Variants in RBM8A observed in about 807,000 individuals in gnomAD.
The protein encoded by RBM8A is RNA-binding protein 8A.
RBM8A carries 8 observed loss-of-function variants against 25.1 expected under a neutral mutation model. The ratio of observed to expected loss-of-function variants is 0.32; its 90% CI spans 0.19 to 0.58. The LOEUF (loss-of-function observed/expected upper bound fraction) is 0.58. Ranked by LOEUF, RBM8A falls within the 20% of genes least tolerant of loss-of-function variation. RBM8A has a pLI of 0.88. For missense variants in RBM8A, 114 were observed against 236.8 expected, an observed-to-expected ratio of 0.48 and a Z score of 3.40; for synonymous variants, 66 against 80.0, an observed-to-expected ratio of 0.82 and a Z score of 0.94.
In RBM8A at chr1:145,923,979, A is replaced by G. The variant is rs1182588647; in HGVS notation, c.*1903T>C. ...TCATATTCAAGCCTAAAAGGAAGATAGGATTTTCAAGATATATTTCCAACT... is the reference window on the plus strand; with the variant it reads ...TCATATTCAAGCCTAAAAGGAAGATGGGATTTTCAAGATATATTTCCAACT... On this transcript the variant is annotated 3_prime_UTR_variant, in exon 6 of 6. Transcript: ENST00000583313. 11 of 615,146 alleles carry G rather than the reference A, an allele frequency of 1.8e-5. No individual in the cohort carries two copies. The Admixed American group carries it at 3.2e-4, about 18-fold the overall frequency. The allele number at this position is 615,146 out of a possible 1,614,324, so 38.1% of individuals were successfully genotyped here. A position where few individuals can be genotyped will look rare whatever the true frequency, so the allele number is the denominator to read the frequency against.
rs1485089023 is a variant in RBM8A at position 145,921,981 on chromosome 1, TG to T, written c.*3900del. 1 of 152,244 alleles carries T rather than the reference TG, an allele frequency of 6.6e-6. No individual in the cohort carries two copies. The highest frequency in any genetic ancestry group is 1.5e-5 in the Non-Finnish European group (1 of 68,048). 9.4% of individuals were successfully genotyped at this position (152,244 alleles called of 1,614,324 possible). A position where few individuals can be genotyped will look rare whatever the true frequency, so the allele number is the denominator to read the frequency against. On this transcript the variant is annotated 3_prime_UTR_variant, in exon 6 of 6. Transcript: ENST00000583313. ...GCTCAAGCCTGTAATCCCAGCATTT[TG>T]GAAGGCCAAGGTGGGTGGATCACTT...
At chr1:145,926,445 T>C in intron 4 of RBM8A, 37 bp downstream of exon 4, 1 of 1,609,712 alleles carries the variant, frequency 6.2e-7, no homozygotes, top group Non-Finnish European at 8.5e-7. Context: ...CTAAGGCTTA[T>C]GAAAGAAAGG....
At position 145,926,535 on chromosome 1, in the gene RBM8A, C is replaced by T. The variant is rs1553755943; in HGVS notation, c.289G>A (p.Gly97Arg). ...EDIHDKFAEY[G>R]EIKNIHLNLD... is the part of the protein sequence containing the mutation. ...TTGAGATGAATGTTTTTAATTTCCC[C>T]ATATTCTGCGAATTTGTCGTGTATG... The change falls in exon 4 of 6, where the codon GGG (glycine) becomes AGG (arginine). Residue 97 changes from glycine (G) to arginine (R), a missense_variant. Physicochemically the swap from Gly to Arg is moderately radical, Grantham distance 125. Around this residue, in one of 2 missense-constraint regions of RBM8A, gnomAD observed 102 missense variants for 182.7 expected, o/e 0.56. Coordinates refer to ENST00000583313, the MANE Select transcript of RBM8A (RefSeq NM_005105.5). The T allele has an allele frequency of 1.9e-6, 3 of 1,614,094 alleles. No homozygotes were observed. Among genetic ancestry groups the T allele is most frequent in the Non-Finnish European group, 2.5e-6 (3 of 1,180,020 alleles).
At chr1:145,927,099 G>C in intron 1 of RBM8A, 22 bp from the exon 2 acceptor site, 2 of 1,609,646 alleles carry the variant, frequency 1.2e-6, no homozygotes, top group Non-Finnish European at 8.5e-7. Context: ...GAAGATAAAA[G>C]AATAAGTAAC....
rs1647970417 is a variant in RBM8A at position 145,924,200 on chromosome 1, A to G, written c.*1682T>C. 1 of 685,732 alleles carries G rather than the reference A, an allele frequency of 1.5e-6. No individual in the cohort carries two copies. Among genetic ancestry groups the G allele is most frequent in the South Asian group, 1.5e-5 (1 of 66,398 alleles). The allele number at this position is 685,732 out of a possible 1,614,324, so 42.5% of individuals were successfully genotyped here. On this transcript the variant is annotated 3_prime_UTR_variant, in exon 6 of 6. Transcript: ENST00000583313. ...CCACTGAGCTGGCCCAGTCCCTTTCACTCAGTGTGTCACCAAAGGCAGCTT... is the reference window on the plus strand; with the variant it reads ...CCACTGAGCTGGCCCAGTCCCTTTCGCTCAGTGTGTCACCAAAGGCAGCTT...
At position 145,927,361 on chromosome 1, in the gene RBM8A, G is replaced by A. The variant is rs770606575; in HGVS notation, c.66C>T (p.Asp22=). The change falls in exon 1 of 6, where the codon GAC becomes GAT. Residue 22 remains aspartate (D), a splice_region_variant and synonymous_variant. Coordinates refer to ENST00000583313, the MANE Select transcript of RBM8A (RefSeq NM_005105.5). The part of the protein sequence containing the change: ...GEDFAMDEDG[D]ESIHKLKEKA... Reference sequence around the variant, plus strand: ...ACCAGCCGTCTCCACTGTCCTCACCGTCCCCATCCTCATCCATGGCGAAAT... The same window carrying A: ...ACCAGCCGTCTCCACTGTCCTCACCATCCCCATCCTCATCCATGGCGAAAT... The A allele has an allele frequency of 2.5e-6, 4 of 1,612,028 alleles. No homozygotes were observed. Among genetic ancestry groups the A allele is most frequent in the Non-Finnish European group, 3.4e-6 (4 of 1,179,238 alleles).
chr1:145,926,917 A>G (rs1361220727), intron 2 of RBM8A, 31 bp from the exon 3 acceptor site: 17 of 1,611,280 alleles, frequency 1.1e-5, no homozygotes, highest in Non-Finnish European at 1.3e-5. Flanking sequence ...ATCACCGAAA[A>G]CTCCTCCTTT....
intron 4 of RBM8A, 67 bp from the exon 5 acceptor site, chr1:145,926,244 TC>T: frequency 6.3e-7 from 1 of 1,590,408 alleles, no homozygotes; most frequent in Non-Finnish European, 8.6e-7. Context: ...AGTATCTTTT[TC>T]CTCAAATCTA....
chr1:145,926,653 TGA>T (rs781960457), intron 3 of RBM8A, 35 bp from the exon 4 acceptor site: 2 of 1,613,350 alleles, frequency 1.2e-6, no homozygotes, highest in East Asian at 4.5e-5. Flanking sequence ...TATGAGTACA[TGA>T]GAGACACTTT....
At position 145,925,462 on chromosome 1, in the gene RBM8A, T is replaced by C. The variant is rs139217740; in HGVS notation, c.*420A>G. On this transcript the variant is annotated 3_prime_UTR_variant, in exon 6 of 6. Coordinates refer to ENST00000583313, the MANE Select transcript of RBM8A (RefSeq NM_005105.5). ...TCTACAAAAATATTAAAAATTTAGCTGGGCATGGTGGCATGTGCCTGTAAT... is the reference window on the plus strand; with the variant it reads ...TCTACAAAAATATTAAAAATTTAGCCGGGCATGGTGGCATGTGCCTGTAAT... 1,228 of 357,594 alleles carry C rather than the reference T, an allele frequency of 3.4e-3. 9 individuals carry two copies. Among genetic ancestry groups the C allele is most frequent in the African/African-American group, 0.018 (854 of 46,828 alleles). 22.2% of individuals were successfully genotyped at this position (357,594 alleles called of 1,614,324 possible).
At position 145,923,847 on chromosome 1, in the gene RBM8A, A is replaced by G; in HGVS notation, c.*2035T>C. 1.9e-6 allele frequency: 1 copy of G among 535,066 alleles called. No individual in the cohort carries two copies. The highest frequency in any genetic ancestry group is 2.8e-5 in the East Asian group (1 of 35,550). 33.1% of individuals were successfully genotyped at this position (535,066 alleles called of 1,614,324 possible). A position where few individuals can be genotyped will look rare whatever the true frequency, so the allele number is the denominator to read the frequency against. ...GAAAATCATTTCAGCTAAAAATATGAGTGAGGTGGTAGAAATATCATCCCT... is the reference window on the plus strand; with the variant it reads ...GAAAATCATTTCAGCTAAAAATATGGGTGAGGTGGTAGAAATATCATCCCT... On this transcript the variant is annotated 3_prime_UTR_variant, in exon 6 of 6. Transcript: ENST00000583313.
At position 145,924,368 on chromosome 1, in the gene RBM8A, G is replaced by A. The variant is rs782271744; in HGVS notation, c.*1514C>T. 2.3e-5 allele frequency: 11 copies of A among 486,858 alleles called. No individual in the cohort carries two copies. Among genetic ancestry groups the A allele is most frequent in the South Asian group, 1.7e-4 (11 of 64,608 alleles). 30.2% of individuals were successfully genotyped at this position (486,858 alleles called of 1,614,324 possible). On this transcript the variant is annotated 3_prime_UTR_variant, in exon 6 of 6. Transcript: ENST00000583313. The stretch of plus-strand genomic sequence containing the variant: ...CCAGACAAGGAAGGGGAGCCATGGT[G>A]AGACTCCAATTCCCAGGCCTTAATC...
rs587756806 is a variant in RBM8A, at chr1:145,922,080, C to T, written c.*3802G>A. ...CTCTACTAAAAATACAAAAATTAGCCGGGTATAGTGGTGAGCACCTGTAAT... is the reference window on the plus strand; with the variant it reads ...CTCTACTAAAAATACAAAAATTAGCTGGGTATAGTGGTGAGCACCTGTAAT... On this transcript the variant is annotated 3_prime_UTR_variant, in exon 6 of 6. Coordinates refer to ENST00000583313, the MANE Select transcript of RBM8A (RefSeq NM_005105.5). The T allele has an allele frequency of 2.0e-5, 3 of 152,136 alleles. No individual in the cohort carries two copies. The highest frequency in any genetic ancestry group is 6.5e-5 in the Admixed American group (1 of 15,270). 9.4% of individuals were successfully genotyped at this position (152,136 alleles called of 1,614,324 possible).
At chr1:145,925,990 G>T in intron 5 of RBM8A, 51 bp downstream of exon 5, 1 of 1,614,182 alleles carries the variant, frequency 6.2e-7, no homozygotes, top group Non-Finnish European at 8.5e-7. Context: ...TCCTCATTCT[G>T]TTTCGTTCGT....
At position 145,925,433 on chromosome 1, in the gene RBM8A, C is replaced by T. The variant is rs587712030; in HGVS notation, c.*449G>A. 6.6e-5 allele frequency: 24 copies of T among 360,964 alleles called. No homozygotes were observed. Among genetic ancestry groups the T allele is most frequent in the African/African-American group, 5.1e-4 (24 of 46,798 alleles). 22.4% of individuals were successfully genotyped at this position (360,964 alleles called of 1,614,324 possible). A position where few individuals can be genotyped will look rare whatever the true frequency, so the allele number is the denominator to read the frequency against. ...TAGCCCAGGTAACACAGCAAGACCC[C>T]ATCTCTACAAAAATATTAAAAATTT... On this transcript the variant is annotated 3_prime_UTR_variant, in exon 6 of 6. Coordinates refer to ENST00000583313, the MANE Select transcript of RBM8A (RefSeq NM_005105.5).
chr1:145,925,912 G>C lies in RBM8A; in HGVS notation c.495C>G (p.Arg165=). ...PKGKRRGGRR[R]SRSPDRRRR ...GACGTCTCCGGTCTGGACTTCTGCT[G>C]CGTCTTCGGCCACCTCTAGGGAAAA... The change falls in exon 6 of 6, where the codon CGC becomes CGG. Residue 165 remains arginine (R), a synonymous_variant. Transcript: ENST00000583313. The C allele has an allele frequency of 6.2e-7, 1 of 1,614,148 alleles. No homozygotes were observed.
At chr1:145,926,778 C>T in intron 3 of RBM8A, 31 bp downstream of exon 3, 2 of 1,614,146 alleles carry the variant, frequency 1.2e-6, no homozygotes, top group Non-Finnish European at 1.7e-6. Flanking sequence ...ACCACAGACA[C>T]GGATACCTCA....
Position 145,925,784 on chromosome 1 carries a change from T to C in RBM8A, c.*98A>G. The stretch of plus-strand genomic sequence containing the variant: ...ATACTACGCATATACGGTAAGAGAT[T>C]AAATATAAACACAGCAAGTTCCACC... On this transcript the variant is annotated 3_prime_UTR_variant, in exon 6 of 6. Coordinates refer to ENST00000583313, the MANE Select transcript of RBM8A (RefSeq NM_005105.5). The C allele has an allele frequency of 7.2e-7, 1 of 1,379,438 alleles. No homozygotes were observed. The allele number at this position is 1,379,438 out of a possible 1,614,324, so 85.4% of individuals were successfully genotyped here. A position where few individuals can be genotyped will look rare whatever the true frequency, so the allele number is the denominator to read the frequency against.
At position 145,927,074 on chromosome 1, in the gene RBM8A, C is replaced by G. The variant is rs1553756102; in HGVS notation, c.71G>C (p.Ser24Thr). The G allele has an allele frequency of 3.7e-6, 6 of 1,613,708 alleles. No homozygotes were observed. Among genetic ancestry groups the G allele is most frequent in the Non-Finnish European group, 5.1e-6 (6 of 1,179,612 alleles). Residue 24 changes from serine (S) to threonine (T), a missense_variant, in exon 2 of 6, where the codon AGC becomes ACC. Physicochemically the swap from Ser to Thr is moderately conservative, Grantham distance 58. This residue lies in a region of RBM8A where 12 missense variants were observed against 54.1 expected (regional missense o/e 0.22). Coordinates refer to ENST00000583313, the MANE Select transcript of RBM8A (RefSeq NM_005105.5). ...CGCTTTTTCTTTCAGTTTGTGAATG[C>G]TCTCTGGAACCCCAGAAGATAAAAG... ...DFAMDEDGDE[S>T]IHKLKEKAKK...
Sources: gnomAD v4.1 joint callset for allele counts on GRCh38, gnomAD v4.1.1 for gene constraint, gnomAD v4.1.1 regional missense constraint, MANE v1.5 for transcripts, NCBI Gene and HGNC (gene_info 2026-07-23, HGNC 2026-07-21) for gene names.